The following TANC2 variants were observed in gnomAD, a reference collection of about 807,000 sequenced individuals.
TANC2 encodes protein TANC2.
In TANC2, 26 loss-of-function variants were observed where a neutral mutation model predicts 210.5. The ratio of observed to expected loss-of-function variants is 0.12; its 90% CI spans 0.09 to 0.17. The LOEUF (loss-of-function observed/expected upper bound fraction) is 0.17. TANC2 is among the 10% of genes least tolerant of loss of function. TANC2 has a pLI of 1.00. For missense variants in TANC2, 2,129 were observed against 2,608.9 expected, an observed-to-expected ratio of 0.82 and a Z score of 4.01; for synonymous variants, 931 against 967.1, an observed-to-expected ratio of 0.96 and a Z score of 0.69.
In TANC2 at chr17:63,421,856, A is replaced by G. The variant is rs550657907; in HGVS notation, c.6126A>G (p.Ala2042=). ...CTCGGACTCTACCTGTGGCTCAGGC[A>G]TACCAGGACAACCTGTACAGGCAGC... Residue 2042 remains alanine (A), a synonymous_variant, in exon 28 of 28, where the codon GCA becomes GCG. Transcript: ENST00000689528. This position sits in a 1 kb window ranked among gnomAD's most constrained non-coding sequence, Gnocchi z 6.9. The G allele has an allele frequency of 1.2e-6, 2 of 1,613,926 alleles. No individual in the cohort carries two copies. The highest frequency in any genetic ancestry group is 1.3e-5 in the African/African-American group (1 of 74,940).
At chr17:63,168,280 C>T (rs763425236) in intron 5 of TANC2, among the ~76,000 whole-genome samples, 2 of 152,180 alleles carry the variant, frequency 1.3e-5, no homozygotes, top group Non-Finnish European at 2.9e-5. Context: ...TAGAGAAACA[C>T]ATACTTTTCA....
At chr17:63,334,875 GAGGAGGCC>G (rs990290989) in intron 11 of TANC2, among the ~76,000 whole-genome samples, 8 of 152,194 alleles carry the variant, frequency 5.3e-5, no homozygotes, top group African/African-American at 1.7e-4. Flanking sequence ...TCCAGCTTCT[GAGGAGGCC>G]TTGGGGAGCT....
chr17:63,023,171 C>T (rs558505829), intron 2 of TANC2, among the ~76,000 whole-genome samples: 1 of 152,344 alleles, frequency 6.6e-6, no homozygotes, highest in East Asian at 1.9e-4. Context: ...GCATGCAACA[C>T]TGGCCCAGGA....
intron 7 of TANC2, among the ~76,000 whole-genome samples, chr17:63,223,687 C>G (rs886131835): frequency 6.6e-6 from 1 of 151,942 alleles, no homozygotes; most frequent in Non-Finnish European, 1.5e-5. Flanking sequence ...GGTCATTGCC[C>G]TAGTGCGTTG....
At chr17:63,098,210 A>T (rs2037461912) in intron 3 of TANC2, among the ~76,000 whole-genome samples, 1 of 152,028 alleles carries the variant, frequency 6.6e-6, no homozygotes, top group Non-Finnish European at 1.5e-5. Context: ...CGATGATATT[A>T]CCTTCCTCCA....
intron 6 of TANC2, among the ~76,000 whole-genome samples, chr17:63,199,473 G>T (rs2145787933): frequency 6.6e-6 from 1 of 152,090 alleles, no homozygotes; most frequent in East Asian, 1.9e-4. Flanking sequence ...ATAAAAATTA[G>T]CCAGGCGTGA....
chr17:63,308,888 A>C (rs190976599), intron 9 of TANC2, among the ~76,000 whole-genome samples: 1 of 152,088 alleles, frequency 6.6e-6, no homozygotes, highest in Non-Finnish European at 1.5e-5. Context: ...AAATTTTTTT[A>C]AAAAAATTAT....
chr17:63,098,811 C>G (rs2037510914), intron 3 of TANC2, among the ~76,000 whole-genome samples: 1 of 151,788 alleles, frequency 6.6e-6, no homozygotes, highest in Non-Finnish European at 1.5e-5. Context: ...CTAGCAATTG[C>G]ACACGATGGC....
In TANC2 at chr17:63,308,452, T is replaced by C. The variant is rs567319171; in HGVS notation, c.1160-5936T>C. Among the ~76,000 whole-genome samples, 3 of 152,322 alleles carry C rather than the reference T, an allele frequency of 2.0e-5. No individual in the cohort carries two copies. The East Asian group carries it at 5.8e-4, about 29-fold the overall frequency. On this transcript the variant is annotated intron_variant, in intron 9 of 27. Transcript: ENST00000689528. ...TCCCTCTCCAGTGAGCCAAGCCTAGTATTAGGTCCACTTCAGTGGGTCATC... is the reference window on the plus strand; with the variant it reads ...TCCCTCTCCAGTGAGCCAAGCCTAGCATTAGGTCCACTTCAGTGGGTCATC...
chr17:63,352,300 C>T (rs2046636386), intron 13 of TANC2, among the ~76,000 whole-genome samples: 1 of 152,072 alleles, frequency 6.6e-6, no homozygotes, highest in Non-Finnish European at 1.5e-5. Context: ...TCCTTTCCCC[C>T]TCTGCCAGGC....
chr17:63,314,267 T>A, intron 9 of TANC2, 121 bp from the exon 10 acceptor site: 1 of 1,083,020 alleles, frequency 9.2e-7, no homozygotes, highest in Non-Finnish European at 1.3e-6. Context: ...TATTTCTGAA[T>A]AAGCCTAGGA....
chr17:63,177,035 G>C (rs1043653104), intron 5 of TANC2, among the ~76,000 whole-genome samples: 3 of 151,848 alleles, frequency 2.0e-5, no homozygotes, highest in Non-Finnish European at 4.4e-5. Context: ...AGGCCGAGGT[G>C]GGCGGATCAC....
rs532096270 is a variant in TANC2, at chr17:63,376,357, G to A, written c.2583-3361G>A. 6.6e-5 allele frequency among the ~76,000 whole-genome samples: 10 copies of A among 152,194 alleles called. No individual in the cohort carries two copies. In the South Asian group the frequency reaches 2.1e-3, roughly 32 times the overall value. On this transcript the variant is annotated intron_variant, in intron 14 of 27. Transcript: ENST00000689528. ...TGTTGTGGGAGGGACCTGGTGGGAG[G>A]TAATTGAATCATAGGGGCAGTTTCC... is the stretch of plus-strand genomic sequence containing the variant.
intron 12 of TANC2, among the ~76,000 whole-genome samples, chr17:63,348,926 A>T (rs1049626184): frequency 6.6e-6 from 1 of 152,166 alleles, no homozygotes; most frequent in Non-Finnish European, 1.5e-5. Flanking sequence ...AAAATGAATT[A>T]TTTCAGGAAC....
intron 2 of TANC2, among the ~76,000 whole-genome samples, chr17:63,025,864 T>TAA (rs1568327421): frequency 2.3e-5 from 3 of 129,710 alleles, no homozygotes; most frequent in African/African-American, 6.2e-5. Flanking sequence ...AAATAAAAAA[T>TAA]AAAATATCAA....
chr17:63,161,970 A>C (rs1399682286), intron 5 of TANC2, among the ~76,000 whole-genome samples: 3 of 152,160 alleles, frequency 2.0e-5, no homozygotes, highest in African/African-American at 7.2e-5. Flanking sequence ...CAGGTTACTG[A>C]CAATCTTGAC....
intron 7 of TANC2, among the ~76,000 whole-genome samples, chr17:63,236,182 C>T (rs2042614597): frequency 6.6e-6 from 1 of 152,006 alleles, no homozygotes. Flanking sequence ...CTTTTAGGGA[C>T]CGCTGAGGCT....
intron 3 of TANC2, among the ~76,000 whole-genome samples, chr17:63,076,176 C>G (rs1431386749): frequency 6.6e-6 from 1 of 152,122 alleles, no homozygotes; most frequent in Non-Finnish European, 1.5e-5. Flanking sequence ...CCTAACCAGT[C>G]AGCTGGGCAA....
chr17:63,213,364 G>C (rs2041940770), intron 7 of TANC2, among the ~76,000 whole-genome samples: 1 of 152,200 alleles, frequency 6.6e-6, no homozygotes, highest in African/African-American at 2.4e-5. Context: ...ACTTAGACAA[G>C]TCCTCTGGGA....
Sources: gnomAD v4.1 joint callset for allele counts (sites outside exome capture counted in the v4.1 genomes callset) on GRCh38, gnomAD v4.1.1 for gene constraint, Gnocchi (gnomAD v3.1) non-coding constraint, MANE v1.5 for transcripts, NCBI Gene and HGNC (gene_info 2026-07-23, HGNC 2026-07-21) for gene names.